Variants in NAALADL2 observed in about 807,000 individuals in gnomAD.
The protein encoded by NAALADL2 is N-acetylated alpha-linked acidic dipeptidase like 2.
A neutral mutation model predicts 87.2 loss-of-function variants in NAALADL2; 76 were observed. The observed-to-expected ratio is 0.87, with a 90% CI of 0.72 to 1.05. The LOEUF (loss-of-function observed/expected upper bound fraction) is 1.05, where lower values mean the gene tolerates loss of function less well. Ranked by LOEUF, NAALADL2 falls within the 50% of genes least tolerant of loss-of-function variation. NAALADL2 has a pLI of 0.00. For synonymous variants in NAALADL2, 354 were observed against 331.0 expected, an observed-to-expected ratio of 1.07 and a Z score of -0.75; for missense variants, 1,089 against 945.8, an observed-to-expected ratio of 1.15 and a Z score of -1.99.
At chr3:175,259,227 G>A (rs959927612) in intron 4 of NAALADL2, among the ~76,000 whole-genome samples, 1 of 152,104 alleles carries the variant, frequency 6.6e-6, no homozygotes, top group Non-Finnish European at 1.5e-5. Flanking sequence ...CAACAGATAG[G>A]TAAGAGTATA....
At chr3:175,514,133 G>A (rs1731531523) in intron 9 of NAALADL2, among the ~76,000 whole-genome samples, 1 of 152,194 alleles carries the variant, frequency 6.6e-6, no homozygotes, top group South Asian at 2.1e-4. Context: ...TAAGATTAAT[G>A]TGGTAAATGC....
intron 1 of NAALADL2, among the ~76,000 whole-genome samples, chr3:174,547,935 T>C (rs1711588838): frequency 6.6e-6 from 1 of 152,196 alleles, no homozygotes; most frequent in Non-Finnish European, 1.5e-5. Context: ...CTCATTGATG[T>C]CATCATGTTC....
At chr3:175,347,782 C>T (rs1560405583) in intron 5 of NAALADL2, among the ~76,000 whole-genome samples, 1 of 151,976 alleles carries the variant, frequency 6.6e-6, no homozygotes, top group Non-Finnish European at 1.5e-5. Context: ...CATGTGCAGA[C>T]CTTGCAGATT....
chr3:175,756,437 C>A (rs574131734), intron 13 of NAALADL2, among the ~76,000 whole-genome samples: 1 of 152,058 alleles, frequency 6.6e-6, no homozygotes, highest in Admixed American at 6.6e-5. Context: ...TGTCTATCAA[C>A]GTGTGATTGG....
At chr3:175,723,217 T>C (rs1206516944) in intron 11 of NAALADL2, among the ~76,000 whole-genome samples, 1 of 152,108 alleles carries the variant, frequency 6.6e-6, no homozygotes, top group Admixed American at 6.6e-5. Flanking sequence ...TTCCGGAAAA[T>C]AGTCACAATA....
intron 1 of NAALADL2, among the ~76,000 whole-genome samples, chr3:175,091,192 A>T (rs1720055261): frequency 6.6e-6 from 1 of 152,120 alleles, no homozygotes; most frequent in African/African-American, 2.4e-5. Context: ...AATATTCTTA[A>T]ACTTAGATTT....
chr3:175,041,484 G>A (rs1754069137), intron 1 of NAALADL2, among the ~76,000 whole-genome samples: 1 of 152,134 alleles, frequency 6.6e-6, no homozygotes, highest in Non-Finnish European at 1.5e-5. Context: ...TTGAAAGCCA[G>A]TGTCAGGATT....
chr3:174,996,445 C>T (rs572732040), intron 1 of NAALADL2, among the ~76,000 whole-genome samples: 6 of 150,736 alleles, frequency 4.0e-5, no homozygotes, highest in South Asian at 2.1e-4. Context: ...TGCAGTGAGC[C>T]GAGATCATGC....
chr3:174,682,926 A>G (rs943227715), intron 2 of NAALADL2, among the ~76,000 whole-genome samples: 1 of 152,234 alleles, frequency 6.6e-6, no homozygotes, highest in African/African-American at 2.4e-5. Context: ...TTAAGGCACC[A>G]GTAGCTAATT....
At chr3:175,024,920 G>A (rs919966197) in intron 1 of NAALADL2, among the ~76,000 whole-genome samples, 3 of 151,782 alleles carry the variant, frequency 2.0e-5, no homozygotes, top group African/African-American at 7.3e-5. Flanking sequence ...ACCCACACCA[G>A]GCATACAAAC....
At chr3:174,969,650 A>G (rs763062829) in intron 1 of NAALADL2, among the ~76,000 whole-genome samples, 1 of 152,180 alleles carries the variant, frequency 6.6e-6, no homozygotes, top group Non-Finnish European at 1.5e-5. Context: ...CACCTTCAGG[A>G]TACGGAGGCC....
At chr3:174,834,080 A>G (rs931487057) in intron 3 of NAALADL2, among the ~76,000 whole-genome samples, 5 of 149,508 alleles carry the variant, frequency 3.3e-5, no homozygotes, top group Non-Finnish European at 5.9e-5. Flanking sequence ...AATTAAAGGA[A>G]TAGAGTTTGA....
chr3:175,013,816 C>G (rs1418333144), intron 1 of NAALADL2, among the ~76,000 whole-genome samples: 4 of 151,992 alleles, frequency 2.6e-5, no homozygotes, highest in African/African-American at 9.7e-5. Flanking sequence ...TTCTTAAATT[C>G]CTTCCTCTCG....
intron 3 of NAALADL2, 109 bp downstream of exon 3, chr3:175,234,313 T>A: frequency 1.7e-6 from 2 of 1,201,326 alleles, no homozygotes; most frequent in Non-Finnish European, 2.3e-6. Flanking sequence ...AAGTAACCAT[T>A]AAATCTTTTC....
intron 9 of NAALADL2, among the ~76,000 whole-genome samples, chr3:175,514,832 T>C (rs1356924301): frequency 6.6e-6 from 1 of 152,230 alleles, no homozygotes; most frequent in Admixed American, 6.5e-5. Flanking sequence ...CAAATATTAG[T>C]TCTGTGTGTA....
chr3:175,587,067 C>T (rs929331687), intron 10 of NAALADL2, among the ~76,000 whole-genome samples: 9 of 152,284 alleles, frequency 5.9e-5, no homozygotes, highest in South Asian at 2.1e-4. Flanking sequence ...AGTGGGTCCA[C>T]GGATGTGCAT....
intron 2 of NAALADL2, among the ~76,000 whole-genome samples, chr3:175,146,935 G>A (rs965801352): frequency 1.7e-4 from 26 of 152,194 alleles, no homozygotes; most frequent in Non-Finnish European, 2.2e-4. Context: ...AAATGCATAT[G>A]ATGTAAATGG....
chr3:174,825,966 G>T lies in NAALADL2; in HGVS notation c.-9+88220G>T, dbSNP rs375309089. Among the ~76,000 whole-genome samples, 404 of 152,168 alleles carry T rather than the reference G, an allele frequency of 2.7e-3. 1 individual carries two copies. Among genetic ancestry groups the T allele is most frequent in the African/African-American group, 9.3e-3 (388 of 41,512 alleles). ...GGCGTGAACCCTGGAGGCGGAGCTT[G>T]CAGTGAGCCGAGATGGCGCCACTGC... On this transcript the variant is annotated intron_variant, in intron 3 of 3. Coordinates refer to the NAALADL2 transcript ENST00000434257.
intron 5 of NAALADL2, among the ~76,000 whole-genome samples, chr3:175,371,174 C>T (rs1231350948): frequency 6.6e-6 from 1 of 152,012 alleles, no homozygotes; most frequent in Non-Finnish European, 1.5e-5. Context: ...TATTTAGCTT[C>T]ATCTTAAAAG....
Sources: allele counts gnomAD v4.1 joint callset (sites outside exome capture counted in the v4.1 genomes callset), GRCh38; gene constraint gnomAD v4.1.1; transcripts MANE v1.5; gene names NCBI Gene and HGNC (gene_info 2026-07-23, HGNC 2026-07-21).